WFDC9: variants seen among roughly 807,000 people sequenced by gnomAD.
WFDC9 encodes WAP four-disulfide core domain 9, also known as protein WFDC9.
A neutral mutation model predicts 9.5 loss-of-function variants in WFDC9; 9 were observed. The observed-to-expected ratio is 0.95, with a 90% CI of 0.57 to 1.65. The LOEUF (loss-of-function observed/expected upper bound fraction) is 1.65. WFDC9 is among the 40% of genes most tolerant of loss of function. The probability of loss-of-function intolerance (pLI) is 0.00; values close to 1 mark genes in which losing one functional copy is unlikely to be tolerated. For synonymous variants in WFDC9, 33 were observed against 32.3 expected, an observed-to-expected ratio of 1.02 and a Z score of -0.07; for missense variants, 87 against 106.7, an observed-to-expected ratio of 0.82 and a Z score of 0.81.
intron 2 of WFDC9, among the ~76,000 whole-genome samples, chr20:45,613,856 C>T (rs1981914468): frequency 6.6e-6 from 1 of 152,132 alleles, no homozygotes; most frequent in Non-Finnish European, 1.5e-5. Flanking sequence ...CATGAAGATA[C>T]TCTGTTATCT....
At chr20:45,622,873 T>C (rs946879702) in intron 1 of WFDC9, among the ~76,000 whole-genome samples, 1 of 152,356 alleles carries the variant, frequency 6.6e-6, no homozygotes, top group East Asian at 1.9e-4. Context: ...TAGGTTTGAT[T>C]TGAAGGCCAA....
At chr20:45,615,821 TTACAC>T (rs1255119223) in intron 1 of WFDC9, among the ~76,000 whole-genome samples, 4 of 152,228 alleles carry the variant, frequency 2.6e-5, no homozygotes, top group Admixed American at 2.0e-4. Flanking sequence ...AAAGGTATGT[TTACAC>T]TATGCTGTAG....
intron 1 of WFDC9, among the ~76,000 whole-genome samples, chr20:45,623,766 C>T (rs909181708): frequency 2.0e-5 from 3 of 152,132 alleles, no homozygotes; most frequent in African/African-American, 7.2e-5. Context: ...TTTATCATTT[C>T]TTTGTGTTGG....
chr20:45,613,052 A>G (rs2145595976), intron 2 of WFDC9, among the ~76,000 whole-genome samples: 1 of 152,356 alleles, frequency 6.6e-6, no homozygotes, highest in Non-Finnish European at 1.5e-5. Flanking sequence ...GTGCTGTCCA[A>G]TGTGGTAGCC....
intron 2 of WFDC9, among the ~76,000 whole-genome samples, chr20:45,611,292 G>A (rs1345407703): frequency 6.6e-6 from 1 of 152,168 alleles, no homozygotes; most frequent in Non-Finnish European, 1.5e-5. Context: ...GGGGGTGGTG[G>A]GAGGCGGGGG....
chr20:45,609,607 TGTC>T (rs1229526382), intron 3 of WFDC9, among the ~76,000 whole-genome samples: 4 of 152,196 alleles, frequency 2.6e-5, no homozygotes, highest in African/African-American at 9.7e-5. Context: ...GTGTCTTTGT[TGTC>T]CACATTTTCT....
chr20:45,628,818 A>G (rs1982282825), intron 1 of WFDC9, among the ~76,000 whole-genome samples: 1 of 152,222 alleles, frequency 6.6e-6, no homozygotes, highest in Non-Finnish European at 1.5e-5. Flanking sequence ...GAAGATTATC[A>G]TCATCAGAGG....
intron 1 of WFDC9, 83 bp downstream of exon 1, chr20:45,631,120 C>A: frequency 7.4e-7 from 1 of 1,355,426 alleles, no homozygotes; most frequent in Middle Eastern, 2.1e-4. Flanking sequence ...AGCATAAGAA[C>A]ATCAACAGGA....
At chr20:45,615,299 G>A (rs912346809) in intron 1 of WFDC9, among the ~76,000 whole-genome samples, 1 of 152,192 alleles carries the variant, frequency 6.6e-6, no homozygotes, top group African/African-American at 2.4e-5. Flanking sequence ...AAATGTCAGG[G>A]AAGGGCATTA....
intron 1 of WFDC9, among the ~76,000 whole-genome samples, chr20:45,625,807 C>CCTTT (rs1982204556): frequency 2.2e-5 from 1 of 46,416 alleles, no homozygotes; most frequent in East Asian, 9.7e-4. Flanking sequence ...GTTCTCTATT[C>CCTTT]TTTTTTTTTT....
intron 2 of WFDC9, 83 bp downstream of exon 2, chr20:45,614,545 A>C (rs918366124): frequency 5.3e-5 from 8 of 152,208 alleles, no homozygotes; most frequent in Middle Eastern, 3.2e-3. Flanking sequence ...CCTCACAGGA[A>C]TAGTGACACC....
intron 1 of WFDC9, among the ~76,000 whole-genome samples, chr20:45,620,131 T>C (rs1982064496): frequency 6.6e-6 from 1 of 152,218 alleles, no homozygotes; most frequent in Non-Finnish European, 1.5e-5. Context: ...TATTTTTAAG[T>C]ATGAGAGCCA....
At chr20:45,608,219 G>T in intron 4 of WFDC9, 79 bp from the exon 5 acceptor site, 1 of 1,454,766 alleles carries the variant, frequency 6.9e-7, no homozygotes, top group Non-Finnish European at 9.4e-7. Flanking sequence ...CTAGGCCCCA[G>T]ATGAAAAAGG....
intron 1 of WFDC9, among the ~76,000 whole-genome samples, chr20:45,626,808 TA>T (rs1231823874): frequency 6.6e-6 from 1 of 152,220 alleles, no homozygotes; most frequent in African/African-American, 2.4e-5. Flanking sequence ...GGACTTCCAG[TA>T]CTACGTTGAA....
Position 45,610,116 on chromosome 20 carries a change from C to T in WFDC9, c.66G>A (p.Leu22=). ...ISGVVMLLPV[L]GSFWNKDPFL... is the part of the protein sequence containing the mutation. ...AGGGATCTTTGTTCCAGAAGCTTCC[C>T]AGCACAGGCAGAAGCATCACAACTC... Residue 22 remains leucine (L), a synonymous_variant, in exon 3 of 5, where the codon CTG becomes CTA. Coordinates refer to ENST00000326000, the MANE Select transcript of WFDC9 (RefSeq NM_147198.4). 1 of 1,614,064 alleles carries T rather than the reference C, an allele frequency of 6.2e-7. No individual in the cohort carries two copies. The highest frequency in any genetic ancestry group is 8.5e-7 in the Non-Finnish European group (1 of 1,179,966).
chr20:45,612,337 CTATATTCCAAGTTCTGGGTATTGGAA>C (rs1483508876), intron 2 of WFDC9, among the ~76,000 whole-genome samples: 26 of 152,028 alleles, frequency 1.7e-4, no homozygotes, highest in South Asian at 8.3e-4. Flanking sequence ...AAGTGCCTAA[CTATATTCCAAGTTCTGGGTATTGGAA>C]TATATTCCAA....
chr20:45,631,159 T>C, intron 1 of WFDC9, 44 bp downstream of exon 1: 1 of 937,750 alleles, frequency 1.1e-6, no homozygotes, highest in Non-Finnish European at 1.5e-6. Flanking sequence ...TCTGAACCCC[T>C]TGTCCCTGTC....
intron 1 of WFDC9, among the ~76,000 whole-genome samples, chr20:45,628,233 C>A (rs1275184535): frequency 1.3e-5 from 2 of 152,140 alleles, no homozygotes; most frequent in Admixed American, 6.6e-5. Flanking sequence ...TATTCTAAAA[C>A]AATGGGTATC....
intron 3 of WFDC9, 78 bp from the exon 4 acceptor site, chr20:45,608,888 C>A: frequency 6.9e-7 from 1 of 1,447,834 alleles, no homozygotes; most frequent in South Asian, 1.4e-5. Context: ...ACAATCCCTT[C>A]TGAAACTTGA....
Sources: allele counts gnomAD v4.1 joint callset (sites outside exome capture counted in the v4.1 genomes callset), GRCh38; gene constraint gnomAD v4.1.1; transcripts MANE v1.5; gene names NCBI Gene and HGNC (gene_info 2026-07-23, HGNC 2026-07-21).